Variants in NRXN1 observed in about 807,000 individuals in gnomAD.
NRXN1 encodes the protein neurexin 1, also known as neurexin-1.
Under a neutral mutation model 150.9 loss-of-function variants are expected in NRXN1, and 39 were observed. That is an observed-to-expected ratio of 0.26 (90% CI 0.20 to 0.34). The LOEUF is 0.34. NRXN1 is among the 10% of genes least tolerant of loss of function. NRXN1 has a pLI of 1.00. For synonymous variants in NRXN1, 924 were observed against 757.0 expected (o/e 1.22, Z -3.62); for missense variants, 1,815 against 1,949.9 (o/e 0.93, Z 1.30).
chr2:50,242,827 T>A (rs955912771), intron 17 of NRXN1, among the ~76,000 whole-genome samples: 1 of 151,724 alleles, frequency 6.6e-6, no homozygotes, highest in African/African-American at 2.4e-5. Context: ...GATTGGAGAA[T>A]TAGACAGATT....
chr2:49,989,968 G>A (rs1211414099), intron 21 of NRXN1, among the ~76,000 whole-genome samples: 1 of 151,966 alleles, frequency 6.6e-6, no homozygotes, highest in East Asian at 1.9e-4. Flanking sequence ...TCTAATGGGT[G>A]AACAATATCA....
chr2:50,492,078 A>C (rs998250954), intron 15 of NRXN1, among the ~76,000 whole-genome samples: 3 of 152,208 alleles, frequency 2.0e-5, no homozygotes, highest in Non-Finnish European at 2.9e-5. Flanking sequence ...TACAGGAACA[A>C]GAGAAGGAAC....
rs1209291229 is a variant in NRXN1 at position 50,531,379 on chromosome 2, G to A, written c.2195C>T (p.Pro732Leu). 6.2e-7 allele frequency: 1 copy of A among 1,612,838 alleles called. No individual in the cohort carries two copies. The highest frequency in any genetic ancestry group is 2.2e-5 in the East Asian group (1 of 44,790). Reference protein sequence around the residue: ...DGSMFMKIQLPVVMHTEAEDV... With the variant: ...DGSMFMKIQLLVVMHTEAEDV... ...CTCAGCCTCCGTATGCATGACTACG[G>A]GGAGCTGAATTTTCATAAACATGCT... Residue 732 changes from proline to leucine, a missense_variant, in exon 11 of 23, where the codon CCC becomes CTC. By Grantham distance (98) the Pro-to-Leu change is moderately conservative (BLOSUM62 -3). Around this residue, in one of 6 missense-constraint regions of NRXN1, gnomAD observed 638 missense variants for 652.6 expected, o/e 0.98. Coordinates refer to ENST00000401669, the MANE Select transcript of NRXN1 (RefSeq NM_001330078.2).
chr2:50,853,397 G>A lies in NRXN1; in HGVS notation c.832+68472C>T, dbSNP rs541437276. On this transcript the variant is annotated intron_variant, in intron 5 of 22. Transcript: ENST00000401669. ...CTCCATTATTATTTGAAGTGGAACA[G>A]GTCACTTAAATTTCTCTGTATCCAT... Among the ~76,000 whole-genome samples the A allele has an allele frequency of 7.2e-5, 11 of 152,142 alleles. 1 individual carries two copies. The South Asian group carries it at 1.7e-3, about 23-fold the overall frequency.
chr2:50,750,287 G>A (rs1411260956), intron 5 of NRXN1, among the ~76,000 whole-genome samples: 1 of 151,810 alleles, frequency 6.6e-6, no homozygotes, highest in Non-Finnish European at 1.5e-5. Context: ...TGTTTTGGTG[G>A]CTTCTATAGC....
intron 18 of NRXN1, among the ~76,000 whole-genome samples, chr2:50,128,751 G>C (rs532784343): frequency 3.3e-5 from 5 of 152,154 alleles, no homozygotes; most frequent in Non-Finnish European, 5.9e-5. Context: ...GGGGAGCTGA[G>C]GGGGGTGGAT....
intron 3 of NRXN1, among the ~76,000 whole-genome samples, chr2:50,925,364 T>C (rs1365632720): frequency 2.0e-5 from 3 of 151,868 alleles, no homozygotes; most frequent in Non-Finnish European, 4.4e-5. Flanking sequence ...GCAAAAAATA[T>C]TACAAATATA....
chr2:51,001,140 A>G (rs1699995472), intron 2 of NRXN1, among the ~76,000 whole-genome samples: 1 of 147,926 alleles, frequency 6.8e-6, no homozygotes, highest in Non-Finnish European at 1.5e-5. Context: ...GCCTGAATGG[A>G]ATGCTTTGTG....
chr2:51,031,533 C>G (rs1407642822), intron 1 of NRXN1, among the ~76,000 whole-genome samples: 1 of 152,050 alleles, frequency 6.6e-6, no homozygotes, highest in East Asian at 1.9e-4. Context: ...CAAAGTCTCT[C>G]AATACCAATG....
At chr2:50,403,914 G>C (rs942663423) in intron 17 of NRXN1, among the ~76,000 whole-genome samples, 6 of 152,032 alleles carry the variant, frequency 3.9e-5, no homozygotes, top group African/African-American at 1.4e-4. Context: ...GTCAGTTAAT[G>C]CCCTCTGAAC....
intron 12 of NRXN1, among the ~76,000 whole-genome samples, chr2:50,521,493 T>C (rs1225589881): frequency 6.6e-6 from 1 of 152,228 alleles, no homozygotes; most frequent in Non-Finnish European, 1.5e-5. Flanking sequence ...ACTGTTTTCA[T>C]AATGCATTTC....
At chr2:50,505,660 T>C (rs1306014457) in intron 13 of NRXN1, among the ~76,000 whole-genome samples, 1 of 152,174 alleles carries the variant, frequency 6.6e-6, no homozygotes, top group Non-Finnish European at 1.5e-5. Context: ...GGAACGATTG[T>C]TTCAAAAGTT....
At chr2:50,812,017 CTT>C (rs1559296931) in intron 5 of NRXN1, among the ~76,000 whole-genome samples, 1 of 151,864 alleles carries the variant, frequency 6.6e-6, no homozygotes, top group African/African-American at 2.4e-5. Flanking sequence ...ATGGCTAACT[CTT>C]TTAATTGTAT....
At chr2:50,181,053 T>A (rs908217164) in intron 18 of NRXN1, among the ~76,000 whole-genome samples, 1 of 152,076 alleles carries the variant, frequency 6.6e-6, no homozygotes. Flanking sequence ...TTACAATAAT[T>A]TTTAGAAAAA....
At chr2:50,367,452 T>C (rs531921190) in intron 17 of NRXN1, among the ~76,000 whole-genome samples, 1 of 152,126 alleles carries the variant, frequency 6.6e-6, no homozygotes, top group Admixed American at 6.6e-5. Flanking sequence ...TAATTATCAA[T>C]ATATCAAATT....
At chr2:50,270,878 C>A (rs377325067) in intron 17 of NRXN1, among the ~76,000 whole-genome samples, 3 of 151,920 alleles carry the variant, frequency 2.0e-5, no homozygotes, top group African/African-American at 7.3e-5. Flanking sequence ...AGGCTGGTGG[C>A]GAACTCCTAA....
At chr2:50,444,292 G>C (rs187229642) in intron 17 of NRXN1, among the ~76,000 whole-genome samples, 294 of 152,298 alleles carry the variant, frequency 1.9e-3, no homozygotes, top group African/African-American at 6.8e-3. Flanking sequence ...ATAGAAAACA[G>C]TGTGGGACAG....
intron 15 of NRXN1, among the ~76,000 whole-genome samples, chr2:50,492,930 C>CTGT (rs3052532): frequency 0.9 from 137,005 of 152,044 alleles, 62,012 homozygotes; most frequent in African/African-American, 0.95. Flanking sequence ...AGAAAGATGC[C>CTGT]TGTTTTCTGT....
intron 15 of NRXN1, among the ~76,000 whole-genome samples, chr2:50,483,139 T>C (rs1480113407): frequency 6.6e-6 from 1 of 150,624 alleles, no homozygotes; most frequent in Non-Finnish European, 1.5e-5. Context: ...CTGCTCACTA[T>C]ATGCTAATTA....
Sources: gnomAD v4.1 joint callset for allele counts (sites outside exome capture counted in the v4.1 genomes callset) on GRCh38, gnomAD v4.1.1 for gene constraint, gnomAD v4.1.1 regional missense constraint, MANE v1.5 for transcripts, NCBI Gene and HGNC (gene_info 2026-07-23, HGNC 2026-07-21) for gene names.